B3GALT1: variants seen among roughly 807,000 people sequenced by gnomAD.
B3GALT1 encodes UDP-Gal:betaGlcNAc beta 1,3-galactosyltransferase, polypeptide 1.
Under a neutral mutation model 23.2 loss-of-function variants are expected in B3GALT1, and 10 were observed. That is an observed-to-expected ratio of 0.43 (90% CI 0.27 to 0.73). The LOEUF is 0.73. Among genes scored for constraint, B3GALT1 ranks in the 30% least tolerant of loss-of-function variants. The pLI is 0.21. For synonymous variants in B3GALT1, 156 were observed against 141.5 expected (o/e 1.10, Z -0.73); for missense variants, 299 against 405.4 (o/e 0.74, Z 2.25).
At chr2:167,489,757 A>G (rs1441135373) in intron 1 of B3GALT1, among the ~76,000 whole-genome samples, 2 of 152,210 alleles carry the variant, frequency 1.3e-5, no homozygotes, top group African/African-American at 4.8e-5. Flanking sequence ...TAAAGCAACA[A>G]GACAGTATTA....
At chr2:167,827,680 T>C (rs1307562104) in intron 4 of B3GALT1, among the ~76,000 whole-genome samples, 2 of 152,170 alleles carry the variant, frequency 1.3e-5, no homozygotes. Flanking sequence ...TCGGATGCTC[T>C]ATATCCAAAG....
chr2:167,326,984 C>T (rs182018451), intron 1 of B3GALT1, among the ~76,000 whole-genome samples: 96 of 152,244 alleles, frequency 6.3e-4, no homozygotes, highest in African/African-American at 2.1e-3. Flanking sequence ...GCCAGGATGC[C>T]TGGCCGCAGT....
intron 2 of B3GALT1, among the ~76,000 whole-genome samples, chr2:167,556,790 T>A (rs1487471411): frequency 2.6e-5 from 4 of 152,224 alleles, no homozygotes; most frequent in Non-Finnish European, 5.9e-5. Flanking sequence ...TATGCTACAC[T>A]ATTCTCATTT....
At chr2:167,505,298 C>A (rs1311664890) in intron 2 of B3GALT1, among the ~76,000 whole-genome samples, 7 of 152,004 alleles carry the variant, frequency 4.6e-5, no homozygotes, top group African/African-American at 1.7e-4. Flanking sequence ...AAAAAGTAAT[C>A]TTTAAAAATT....
intron 2 of B3GALT1, among the ~76,000 whole-genome samples, chr2:167,517,931 A>G (rs1009390127): frequency 6.6e-6 from 1 of 152,148 alleles, no homozygotes; most frequent in Non-Finnish European, 1.5e-5. Context: ...ACTCAAGTCT[A>G]TAAAAAACAT....
chr2:167,612,367 T>TTTATTGTTATTATTATTA (rs1553472123), intron 2 of B3GALT1, among the ~76,000 whole-genome samples: 1 of 145,134 alleles, frequency 6.9e-6, no homozygotes, highest in African/African-American at 2.5e-5. Flanking sequence ...TTATTAGGCC[T>TTTATTGTTATTATTATTA]TTATTATTAT....
chr2:167,508,059 T>A (rs1414580079), intron 2 of B3GALT1, among the ~76,000 whole-genome samples: 1 of 152,052 alleles, frequency 6.6e-6, no homozygotes, highest in African/African-American at 2.4e-5. Context: ...GAGTCCCTTT[T>A]ATAAGGACAC....
intron 2 of B3GALT1, among the ~76,000 whole-genome samples, chr2:167,616,943 A>C (rs1181540894): frequency 6.6e-6 from 1 of 152,134 alleles, no homozygotes; most frequent in East Asian, 1.9e-4. Context: ...GCAGACAATC[A>C]TGTCAGTTAG....
chr2:167,698,168 T>G (rs548308256), intron 3 of B3GALT1, among the ~76,000 whole-genome samples: 53 of 152,272 alleles, frequency 3.5e-4, no homozygotes, highest in Non-Finnish European at 7.1e-4. Context: ...TGCAAATTAG[T>G]AGTTCTATGG....
chr2:167,586,766 C>T (rs1005462149), intron 2 of B3GALT1, among the ~76,000 whole-genome samples: 1 of 152,138 alleles, frequency 6.6e-6, no homozygotes, highest in African/African-American at 2.4e-5. Flanking sequence ...TTTCATTATA[C>T]TATTTTTCTA....
At chr2:167,548,921 A>G (rs1376394654) in intron 2 of B3GALT1, among the ~76,000 whole-genome samples, 1 of 152,056 alleles carries the variant, frequency 6.6e-6, no homozygotes. Context: ...AATATATTTA[A>G]CCTGGTTCAA....
chr2:167,369,061 TTGTGTGTGTGTGTGTGTGTG>T (rs60938716), intron 1 of B3GALT1, among the ~76,000 whole-genome samples: 115,020 of 147,568 alleles, frequency 0.78, 46,560 homozygotes, highest in Non-Finnish European at 0.89. Flanking sequence ...AAACTCTTAT[TTGTGTGTGTGTGTGTGTGTG>T]TGTGTGTGTG....
intron 3 of B3GALT1, chr2:167,815,073 T>A (rs1363487981): frequency 6.6e-6 from 1 of 152,286 alleles, no homozygotes; most frequent in Non-Finnish European, 1.5e-5. Flanking sequence ...CAGAGCTCCC[T>A]GCAGGGTCAG....
intron 1 of B3GALT1, among the ~76,000 whole-genome samples, chr2:167,343,565 A>G (rs1044792226): frequency 5.9e-5 from 9 of 152,162 alleles, no homozygotes; most frequent in Non-Finnish European, 1.0e-4. Flanking sequence ...TTATGGGGAA[A>G]GAAAAACCTC....
intron 2 of B3GALT1, among the ~76,000 whole-genome samples, chr2:167,547,523 C>T (rs1683659385): frequency 6.6e-6 from 1 of 151,784 alleles, no homozygotes; most frequent in Admixed American, 6.6e-5. Flanking sequence ...GGCAAAACCC[C>T]TCTCTACTAA....
intron 2 of B3GALT1, among the ~76,000 whole-genome samples, chr2:167,571,303 G>C (rs796079368): frequency 1.3e-5 from 2 of 151,880 alleles, no homozygotes; most frequent in African/African-American, 4.8e-5. Context: ...TGGCTCAAAC[G>C]TGCACCTCTC....
At chr2:167,669,592 G>A (rs1024449638) in intron 3 of B3GALT1, among the ~76,000 whole-genome samples, 3 of 151,904 alleles carry the variant, frequency 2.0e-5, no homozygotes, top group African/African-American at 7.3e-5. Flanking sequence ...TTAGCTTTTG[G>A]CTTTAATCAA....
intron 3 of B3GALT1, among the ~76,000 whole-genome samples, chr2:167,662,173 A>G (rs200432909): frequency 1.3e-5 from 2 of 152,114 alleles, no homozygotes; most frequent in Admixed American, 6.5e-5. Flanking sequence ...TATTGTTATA[A>G]TAACATTATT....
intron 3 of B3GALT1, among the ~76,000 whole-genome samples, chr2:167,725,959 T>C (rs1410631184): frequency 6.6e-6 from 1 of 152,224 alleles, no homozygotes; most frequent in Non-Finnish European, 1.5e-5. Context: ...TGCTGACCTA[T>C]ATTTTAAAAT....
Sources: allele counts gnomAD v4.1 joint callset (sites outside exome capture counted in the v4.1 genomes callset), GRCh38; gene constraint gnomAD v4.1.1; transcripts MANE v1.5; gene names NCBI Gene and HGNC (gene_info 2026-07-23, HGNC 2026-07-21).